Variants in AGPAT5 observed in about 807,000 individuals in gnomAD.
AGPAT5 encodes the protein 1-acyl-sn-glycerol-3-phosphate acyltransferase epsilon.
In AGPAT5, 46 loss-of-function variants were observed where a neutral mutation model predicts 45.6. The ratio of observed to expected loss-of-function variants is 1.01; its 90% confidence interval spans 0.80 to 1.29. The LOEUF (loss-of-function observed/expected upper bound fraction) is 1.29, where lower values mean the gene tolerates loss of function less well. AGPAT5 is among the 50% of genes most tolerant of loss of function. The pLI is 0.00. For synonymous variants in AGPAT5, 272 were observed against 167.0 expected, an observed-to-expected ratio of 1.63 and a Z score of -4.85; for missense variants, 673 against 450.7, an observed-to-expected ratio of 1.49 and a Z score of -4.47.
chr8:6,708,885 C>T lies in AGPAT5; in HGVS notation c.217C>T (p.Gln73Ter). 1 of 1,601,384 alleles carries T rather than the reference C, an allele frequency of 6.2e-7. No individual in the cohort carries two copies. Among genetic ancestry groups the T allele is most frequent in the Non-Finnish European group, 8.5e-7 (1 of 1,174,576 alleles). The change falls in exon 1 of 8, where the codon CAG (glutamine) becomes TAG (stop). Residue 73 changes from glutamine to a stop codon, truncating the protein, a stop_gained and splice_region_variant. Transcript: ENST00000285518. LOFTEE classifies it high-confidence loss of function. Reference protein sequence around the residue: ...LFFFENYTGVQILLYGDLPKN... With the variant: ...LFFFENYTGV ...CTTCTTCGAGAATTACACCGGGGTC[C>T]AGGTGAGCCGCCTCCCGCTCCCGGG...
At chr8:6,739,383 T>A (rs753853400) in intron 4 of AGPAT5, among the ~76,000 whole-genome samples, 1 of 152,156 alleles carries the variant, frequency 6.6e-6, no homozygotes, top group Non-Finnish European at 1.5e-5. Flanking sequence ...TTGGGAAGAA[T>A]TGATATAACA....
At chr8:6,740,898 T>C (rs1363176024) in intron 4 of AGPAT5, among the ~76,000 whole-genome samples, 1 of 152,146 alleles carries the variant, frequency 6.6e-6, no homozygotes, top group Non-Finnish European at 1.5e-5. Flanking sequence ...GCATAACTTA[T>C]TTTTGTCTTT....
At chr8:6,732,477 T>A (rs1163226131) in intron 3 of AGPAT5, 84 bp from the exon 4 acceptor site, 14 of 973,314 alleles carry the variant, frequency 1.4e-5, no homozygotes. Context: ...CTGTACTTTT[T>A]GCAAGAGAAG....
At chr8:6,730,324 T>TCATAGTACAACC (rs1800820220) in intron 2 of AGPAT5, among the ~76,000 whole-genome samples, 4 of 7,952 alleles carry the variant, frequency 5.0e-4, no homozygotes, top group Non-Finnish European at 7.4e-4. Flanking sequence ...AGGACTTTTT[T>TCATAGTACAACC]TTTTTTTTTT....
chr8:6,749,878 A>G (rs1166178612), intron 6 of AGPAT5, among the ~76,000 whole-genome samples: 1 of 152,236 alleles, frequency 6.6e-6, no homozygotes, highest in Admixed American at 6.5e-5. Flanking sequence ...GCTCATGGGT[A>G]AGGCCAGCCT....
chr8:6,734,990 T>C (rs1800998602), intron 4 of AGPAT5, among the ~76,000 whole-genome samples: 1 of 152,280 alleles, frequency 6.6e-6, no homozygotes, highest in South Asian at 2.1e-4. Flanking sequence ...ACTATACTTC[T>C]TGGATACTTG....
intron 5 of AGPAT5, among the ~76,000 whole-genome samples, chr8:6,742,912 C>T (rs1027418177): frequency 4.6e-5 from 7 of 152,176 alleles, no homozygotes; most frequent in East Asian, 1.9e-4. Flanking sequence ...ATAGACATGA[C>T]GTTCTGTCAT....
At chr8:6,710,419 A>G (rs115913526) in intron 1 of AGPAT5, among the ~76,000 whole-genome samples, 3,233 of 152,328 alleles carry the variant, frequency 0.021, 108 homozygotes, top group African/African-American at 0.07. Flanking sequence ...TCATGCATTT[A>G]TGAAAGGATG....
intron 1 of AGPAT5, among the ~76,000 whole-genome samples, chr8:6,714,189 C>G (rs2928620): frequency 0.038 from 5,830 of 152,284 alleles, 122 homozygotes; most frequent in Non-Finnish European, 0.049. Context: ...CTTAATTTTA[C>G]TCTTCTCTGC....
chr8:6,754,241 C>T (rs972141395), intron 6 of AGPAT5, among the ~76,000 whole-genome samples: 3 of 152,160 alleles, frequency 2.0e-5, no homozygotes, highest in East Asian at 3.8e-4. Context: ...CTTGTGCAAT[C>T]GAGGCTGAAA....
chr8:6,720,130 C>T (rs1241100228), intron 1 of AGPAT5, among the ~76,000 whole-genome samples: 1 of 152,072 alleles, frequency 6.6e-6, no homozygotes, highest in Admixed American at 6.5e-5. Context: ...GACAGACTTC[C>T]AGTACATTCT....
chr8:6,756,140 G>A (rs1304594470), intron 7 of AGPAT5, among the ~76,000 whole-genome samples: 1 of 152,178 alleles, frequency 6.6e-6, no homozygotes, highest in South Asian at 2.1e-4. Flanking sequence ...TATCGGGTAT[G>A]TTCTGCTATC....
At chr8:6,716,755 C>A (rs1800344416) in intron 1 of AGPAT5, among the ~76,000 whole-genome samples, 1 of 152,092 alleles carries the variant, frequency 6.6e-6, no homozygotes, top group South Asian at 2.1e-4. Context: ...ATCACTTGAG[C>A]CCAGGAGACA....
chr8:6,730,868 T>C, intron 3 of AGPAT5, 42 bp downstream of exon 3: 2 of 1,283,634 alleles, frequency 1.6e-6, no homozygotes, highest in East Asian at 2.6e-5. Flanking sequence ...ATGTAGTTTA[T>C]AAATTTTTTT....
rs550282792 is a variant in AGPAT5 at position 6,757,813 on chromosome 8, C to G, written c.*425C>G. 1 of 155,674 alleles carries G rather than the reference C, an allele frequency of 6.4e-6. No homozygotes were observed. Among genetic ancestry groups the G allele is most frequent in the East Asian group, 1.9e-4 (1 of 5,320 alleles). 9.6% of individuals were successfully genotyped at this position (155,674 alleles called of 1,614,324 possible). A position where few individuals can be genotyped will look rare whatever the true frequency, so the allele number is the denominator to read the frequency against. ...TACTAAAGTATTTAGTATCTTGCAGCTAGTTAATATTTCATCTTTTGCTTA... is the reference window on the plus strand; with the variant it reads ...TACTAAAGTATTTAGTATCTTGCAGGTAGTTAATATTTCATCTTTTGCTTA... On this transcript the variant is annotated 3_prime_UTR_variant, in exon 8 of 8. Coordinates refer to ENST00000285518, the MANE Select transcript of AGPAT5 (RefSeq NM_018361.5).
rs1801968126 is a variant in AGPAT5 at position 6,759,736 on chromosome 8, A to T, written c.*2348A>T. On this transcript the variant is annotated 3_prime_UTR_variant, in exon 8 of 8. Transcript: ENST00000285518. The stretch of plus-strand genomic sequence containing the variant: ...TCTCCCAGTACATAAAATAGGCTTA[A>T]TGACTGGCCCTGCATTCTTCACAAT... 6.6e-6 allele frequency: 1 copy of T among 152,208 alleles called. No individual in the cohort carries two copies. The highest frequency in any genetic ancestry group is 2.4e-5 in the African/African-American group (1 of 41,450). 9.4% of individuals were successfully genotyped at this position (152,208 alleles called of 1,614,324 possible). A position where few individuals can be genotyped will look rare whatever the true frequency, so the allele number is the denominator to read the frequency against.
intron 6 of AGPAT5, 45 bp downstream of exon 6, chr8:6,747,873 A>C: frequency 6.5e-7 from 1 of 1,539,406 alleles, no homozygotes; most frequent in Non-Finnish European, 8.8e-7. Flanking sequence ...CGGTATATAC[A>C]GTGCACATGT....
At chr8:6,713,073 G>C (rs1480473567) in intron 1 of AGPAT5, among the ~76,000 whole-genome samples, 1 of 152,186 alleles carries the variant, frequency 6.6e-6, no homozygotes, top group Admixed American at 6.5e-5. Context: ...GCTCATTGCA[G>C]CCTTGAATGC....
At chr8:6,712,311 A>G (rs1800181189) in intron 1 of AGPAT5, among the ~76,000 whole-genome samples, 1 of 152,194 alleles carries the variant, frequency 6.6e-6, no homozygotes, top group African/African-American at 2.4e-5. Flanking sequence ...ATAATAACCA[A>G]CTTATTCATA....
Sources: allele counts gnomAD v4.1 joint callset (sites outside exome capture counted in the v4.1 genomes callset), GRCh38; gene constraint gnomAD v4.1.1; transcripts MANE v1.5; gene names NCBI Gene and HGNC (gene_info 2026-07-23, HGNC 2026-07-21).